ACOX3: variants seen among roughly 807,000 people sequenced by gnomAD.
ACOX3 encodes the protein peroxisomal acyl-coenzyme A oxidase 3.
In ACOX3, 73 loss-of-function variants were observed where a neutral mutation model predicts 81.5. The ratio of observed to expected loss-of-function variants is 0.90; its 90% CI spans 0.74 to 1.09. The LOEUF is 1.09. Among genes scored for constraint, ACOX3 ranks in the 50% least tolerant of loss-of-function variants. The pLI is 0.00. For synonymous variants in ACOX3, 387 were observed against 375.1 expected, an observed-to-expected ratio of 1.03 and a Z score of -0.37; for missense variants, 947 against 928.0, an observed-to-expected ratio of 1.02 and a Z score of -0.27.
At position 8,406,217 on chromosome 4, in the gene ACOX3, G is replaced by A. The variant is rs1018882048; in HGVS notation, c.688-174C>T. ...GTCCTAACCCCAGGACCTGGGAATG[G>A]AAGCTTATTTGGAAATAGGGTCCTG... On this transcript the variant is annotated intron_variant, in intron 6 of 17. Coordinates refer to ENST00000356406, the MANE Select transcript of ACOX3 (RefSeq NM_003501.3). The surrounding 1 kb of genome is among the most constrained non-coding windows in gnomAD (Gnocchi z 5.6). Among the ~76,000 whole-genome samples the A allele has an allele frequency of 5.3e-5, 8 of 152,232 alleles. No individual in the cohort carries two copies. Among genetic ancestry groups the A allele is most frequent in the Non-Finnish European group, 1.5e-5 (1 of 68,048 alleles).
At position 8,431,962 on chromosome 4, in the gene ACOX3, G is replaced by A. The variant is rs1404168655; in HGVS notation, c.-15+8686C>T. Among the ~76,000 whole-genome samples the A allele has an allele frequency of 1.3e-5, 2 of 152,030 alleles. No individual in the cohort carries two copies. Among genetic ancestry groups the A allele is most frequent in the Non-Finnish European group, 2.9e-5 (2 of 68,016 alleles). On this transcript the variant is annotated intron_variant, in intron 1 of 17. Coordinates refer to ENST00000356406, the MANE Select transcript of ACOX3 (RefSeq NM_003501.3). This position sits in a 1 kb window ranked among gnomAD's most constrained non-coding sequence, Gnocchi z 5.3. The stretch of plus-strand genomic sequence containing the variant: ...CTTTCCCACCACCACCTCCTTGGCT[G>A]GTTCTGCATTCCCAGAAGAGTGGCT...
At position 8,419,699 on chromosome 4, in the gene ACOX3, G is replaced by A. The variant is rs1219635040; in HGVS notation, c.-14-3164C>T. Among the ~76,000 whole-genome samples, 7 of 152,104 alleles carry A rather than the reference G, an allele frequency of 4.6e-5. No individual in the cohort carries two copies. The highest frequency in any genetic ancestry group is 1.0e-4 in the Non-Finnish European group (7 of 68,032). On this transcript the variant is annotated intron_variant, in intron 1 of 17. Transcript: ENST00000356406. This position sits in a 1 kb window ranked among gnomAD's most constrained non-coding sequence, Gnocchi z 4.2. ...CTCCCCGATTCACACCTCCAGACTC[G>A]TGAGCTCATTTGGCAGTCAACGGCA...
At position 8,399,541 on chromosome 4, in the gene ACOX3, C is replaced by T. The variant is rs757468917; in HGVS notation, c.873+15G>A. 1 of 1,602,122 alleles carries T rather than the reference C, an allele frequency of 6.2e-7. No individual in the cohort carries two copies. Among genetic ancestry groups the T allele is most frequent in the Non-Finnish European group, 8.5e-7 (1 of 1,169,660 alleles). ...CTGGGAAGCACGGCACACGAACGGC[C>T]CCCCATGCCTGTACCTTAAAGGGGC... On this transcript the variant is annotated intron_variant, in intron 8 of 17. Transcript: ENST00000356406. This position sits in a 1 kb window ranked among gnomAD's most constrained non-coding sequence, Gnocchi z 4.9.
intron 15 of ACOX3, 91 bp downstream of exon 15, chr4:8,374,887 G>A: frequency 7.3e-7 from 1 of 1,363,412 alleles, no homozygotes; most frequent in South Asian, 1.6e-5. Context: ...TCCCGTGGAA[G>A]GAGGACGATG....
chr4:8,424,153 C>G (rs1442459084), intron 1 of ACOX3, among the ~76,000 whole-genome samples: 1 of 152,204 alleles, frequency 6.6e-6, no homozygotes, highest in Non-Finnish European at 1.5e-5. Flanking sequence ...AACCATAAAG[C>G]AATTAAGAGG....
In ACOX3 at chr4:8,399,437, C is replaced by A. The variant is rs534886294; in HGVS notation, c.873+119G>T. Reference sequence around the variant, plus strand: ...CCGAGCCAGGAGAAGTATGCCCCAGCGACACCTGGCCTACGTGGAGGGGTC... The same window carrying A: ...CCGAGCCAGGAGAAGTATGCCCCAGAGACACCTGGCCTACGTGGAGGGGTC... On this transcript the variant is annotated intron_variant, in intron 8 of 17. Coordinates refer to ENST00000356406, the MANE Select transcript of ACOX3 (RefSeq NM_003501.3). The surrounding 1 kb of genome is among the most constrained non-coding windows in gnomAD (Gnocchi z 4.9). 4.8e-6 allele frequency: 4 copies of A among 840,020 alleles called. No individual in the cohort carries two copies. The East Asian group carries it at 7.8e-5, about 16-fold the overall frequency. 52.0% of individuals were successfully genotyped at this position (840,020 alleles called of 1,614,324 possible).
chr4:8,428,587 A>C (rs1657255034), intron 1 of ACOX3: 1 of 152,252 alleles, frequency 6.6e-6, no homozygotes, highest in African/African-American at 2.4e-5. Context: ...GCTGGAAGCC[A>C]CGAAGCTTCG....
At chr4:8,375,810 G>A (rs893259932) in intron 14 of ACOX3, among the ~76,000 whole-genome samples, 6 of 152,186 alleles carry the variant, frequency 3.9e-5, no homozygotes, top group African/African-American at 9.7e-5. Context: ...GGATAATGGC[G>A]TGCAGCTGCA....
At chr4:8,403,335 A>T (rs1720568663) in intron 7 of ACOX3, among the ~76,000 whole-genome samples, 1 of 152,254 alleles carries the variant, frequency 6.6e-6, no homozygotes, top group South Asian at 2.1e-4. Context: ...GAACACTGGT[A>T]TCACTGCGCC....
In ACOX3 at chr4:8,393,584, G is replaced by C. The variant is rs1408857314; in HGVS notation, c.1179+1036C>G. Among the ~76,000 whole-genome samples, 8 of 149,008 alleles carry C rather than the reference G, an allele frequency of 5.4e-5. No homozygotes were observed. The Admixed American group carries it at 5.4e-4, about 10-fold the overall frequency. On this transcript the variant is annotated intron_variant, in intron 10 of 17. Coordinates refer to ENST00000356406, the MANE Select transcript of ACOX3 (RefSeq NM_003501.3). ...TTTAAAAAAGAAAGACAATTAAAAA[G>C]GAAAAACAATTAAGAGGAAGACACA...
At chr4:8,375,251 T>C in intron 14 of ACOX3, 99 bp from the exon 15 acceptor site, 2 of 1,193,496 alleles carry the variant, frequency 1.7e-6, no homozygotes, top group Non-Finnish European at 2.3e-6. Flanking sequence ...CGGGTCTGCG[T>C]TCCCGTGCAT....
chr4:8,383,714 C>T (rs1717975629), intron 13 of ACOX3, among the ~76,000 whole-genome samples: 1 of 152,178 alleles, frequency 6.6e-6, no homozygotes, highest in Non-Finnish European at 1.5e-5. Flanking sequence ...ATCCTTGAGC[C>T]TCACATGCTA....
rs1560192956 is a variant in ACOX3 at position 8,407,942 on chromosome 4, G to A, written c.688-1899C>T. 6.6e-6 allele frequency among the ~76,000 whole-genome samples: 1 copy of A among 152,188 alleles called. No individual in the cohort carries two copies. The highest frequency in any genetic ancestry group is 1.9e-4 in the East Asian group (1 of 5,174). On this transcript the variant is annotated intron_variant, in intron 6 of 17. Coordinates refer to ENST00000356406, the MANE Select transcript of ACOX3 (RefSeq NM_003501.3). The surrounding 1 kb of genome is among the most constrained non-coding windows in gnomAD (Gnocchi z 4.6). ...GTTAACTGCAGGAAGCTATGGCACA[G>A]AATGGCCAGACGCCAGAAGTGCTCA...
intron 13 of ACOX3, among the ~76,000 whole-genome samples, chr4:8,388,044 G>A (rs1718517172): frequency 6.6e-6 from 1 of 152,192 alleles, no homozygotes; most frequent in South Asian, 2.1e-4. Context: ...CTCACCTCCC[G>A]TCATTCACAG....
chr4:8,410,631 G>GT (rs1287382809), intron 5 of ACOX3, among the ~76,000 whole-genome samples: 1 of 152,166 alleles, frequency 6.6e-6, no homozygotes, highest in Non-Finnish European at 1.5e-5. Context: ...ATAGTCTTCA[G>GT]TCCCTAACCA....
chr4:8,387,163 G>C (rs1246151919), intron 13 of ACOX3, among the ~76,000 whole-genome samples: 2 of 152,274 alleles, frequency 1.3e-5, no homozygotes, highest in Admixed American at 1.3e-4. Context: ...GCTGAGCTGA[G>C]CACTGATGTG....
At chr4:8,359,352 G>A in the ACOX3 span, among the ~76,000 whole-genome samples, 1 of 152,124 alleles carries the variant, frequency 6.6e-6, no homozygotes, top group African/African-American at 2.4e-5. This position sits in a 1 kb window ranked among gnomAD's most constrained non-coding sequence, Gnocchi z 6.0. Flanking sequence ...GACACAGTGG[G>A]TTAGAGGCCC....
chr4:8,382,311 C>G lies in ACOX3; in HGVS notation c.1538-704G>C, dbSNP rs3796743. ...GTGGTGCCCACATCTGCGGGGCCCC[C>G]CACAGCACAGCCAGAGCTGGCCTCC... On this transcript the variant is annotated intron_variant, in intron 13 of 17. Coordinates refer to ENST00000356406, the MANE Select transcript of ACOX3 (RefSeq NM_003501.3). The surrounding 1 kb of genome is among the most constrained non-coding windows in gnomAD (Gnocchi z 4.1). Among the ~76,000 whole-genome samples, 6 of 152,332 alleles carry G rather than the reference C, an allele frequency of 3.9e-5. No individual in the cohort carries two copies. In the East Asian group the frequency reaches 1.2e-3, roughly 29 times the overall value.
intron 1 of ACOX3, among the ~76,000 whole-genome samples, chr4:8,429,084 C>A (rs1412607477): frequency 6.6e-6 from 1 of 152,200 alleles, no homozygotes; most frequent in African/African-American, 2.4e-5. Context: ...AGATCAGCTC[C>A]ATTTTCAATT....
Sources: allele counts gnomAD v4.1 joint callset (sites outside exome capture counted in the v4.1 genomes callset), GRCh38; gene constraint gnomAD v4.1.1; non-coding constraint Gnocchi (gnomAD v3.1); transcripts MANE v1.5; gene names NCBI Gene and HGNC (gene_info 2026-07-23, HGNC 2026-07-21).